HEPHL1: variants seen among roughly 807,000 people sequenced by gnomAD.
HEPHL1 encodes the protein hephaestin like 1.
A neutral mutation model predicts 122.0 loss-of-function variants in HEPHL1; 123 were observed. The observed-to-expected ratio is 1.01, with a 90% CI of 0.87 to 1.17. HEPHL1 has a LOEUF of 1.17. HEPHL1 is among the 50% of genes most tolerant of loss of function. HEPHL1 has a pLI of 0.00. For synonymous variants in HEPHL1, 527 were observed against 508.9 expected, an observed-to-expected ratio of 1.04 and a Z score of -0.48; for missense variants, 1,452 against 1,430.5, an observed-to-expected ratio of 1.01 and a Z score of -0.24.
chr11:94,056,033 A>T, intron 2 of HEPHL1: 1 of 568,608 alleles, frequency 1.8e-6, no homozygotes, highest in Non-Finnish European at 2.9e-6. Flanking sequence ...AAATTAAGTC[A>T]GTTTTTCCTT....
At chr11:94,108,223 A>C (rs543588835) in intron 17 of HEPHL1, among the ~76,000 whole-genome samples, 1 of 152,226 alleles carries the variant, frequency 6.6e-6, no homozygotes, top group Admixed American at 6.5e-5. Context: ...TGAAGTGTCC[A>C]AATTGTAAGC....
In HEPHL1 at chr11:94,021,510, A is replaced by G; in HGVS notation, c.142A>G (p.Ile48Val). 1.9e-6 allele frequency: 3 copies of G among 1,610,802 alleles called. No homozygotes were observed. The highest frequency in any genetic ancestry group is 2.7e-5 in the African/African-American group (2 of 74,914). The change falls in exon 1 of 20, where the codon ATT becomes GTT. Residue 48 changes from isoleucine (I) to valine (V), a missense_variant. By Grantham distance (29) the Ile-to-Val change is conservative. Transcript: ENST00000315765. ...WNYVPQGKNV[I>V]TGKSFTEDKL... is the part of the protein sequence containing the mutation. ...CTATGTACCCCAAGGGAAGAATGTT[A>G]TTACTGGGAAAAGTTTCACAGAAGA...
intron 12 of HEPHL1, among the ~76,000 whole-genome samples, chr11:94,089,811 G>A (rs750110881): frequency 3.9e-5 from 6 of 152,108 alleles, no homozygotes; most frequent in African/African-American, 7.2e-5. Flanking sequence ...ACTAGACATT[G>A]GCAGAGTTAG....
chr11:94,098,339 C>G (rs1421625886), intron 13 of HEPHL1, among the ~76,000 whole-genome samples: 1 of 152,146 alleles, frequency 6.6e-6, no homozygotes, highest in East Asian at 1.9e-4. Context: ...TGAATATTGG[C>G]CCCCACTCTC....
intron 1 of HEPHL1, among the ~76,000 whole-genome samples, chr11:94,037,183 C>A (rs969677436): frequency 6.7e-5 from 10 of 148,480 alleles, no homozygotes; most frequent in African/African-American, 2.5e-4. Context: ...CGGCGCACCA[C>A]GAGATTATAT....
intron 5 of HEPHL1, among the ~76,000 whole-genome samples, chr11:94,068,428 C>T (rs1331100010): frequency 1.3e-5 from 2 of 152,154 alleles, no homozygotes; most frequent in African/African-American, 4.8e-5. Flanking sequence ...CCTATAGCTT[C>T]CTTCATGTCC....
chr11:94,072,624 C>T (rs1489773684), intron 6 of HEPHL1, among the ~76,000 whole-genome samples: 1 of 151,924 alleles, frequency 6.6e-6, no homozygotes, highest in Non-Finnish European at 1.5e-5. Context: ...TGCCAGAAAT[C>T]AAAGAGCTTA....
chr11:94,111,882 G>A lies in HEPHL1; in HGVS notation c.3468G>A (p.Thr1156=), dbSNP rs760553539. ...AAGTCCAGTCCTGTGCTCTCCCCAC[G>A]GATGCTCTGTGAACCATCTGGTCTC... ...YQQVQSCALP[T]DAL The change falls in exon 20 of 20, where the codon ACG becomes ACA. Residue 1156 remains threonine, a synonymous_variant. Coordinates refer to ENST00000315765, the MANE Select transcript of HEPHL1 (RefSeq NM_001098672.2). 13 of 1,516,416 alleles carry A rather than the reference G, an allele frequency of 8.6e-6. No homozygotes were observed. The highest frequency in any genetic ancestry group is 3.6e-4 in the Middle Eastern group (2 of 5,614). 93.9% of individuals were successfully genotyped at this position (1,516,416 alleles called of 1,614,324 possible). A position where few individuals can be genotyped will look rare whatever the true frequency, so the allele number is the denominator to read the frequency against.
intron 12 of HEPHL1, 66 bp downstream of exon 12, chr11:94,089,034 G>C: frequency 1.4e-6 from 2 of 1,402,934 alleles, no homozygotes; most frequent in South Asian, 2.3e-5. Context: ...TCTTTAGTAA[G>C]TGTGGCTCCC....
rs1945714580 is a variant in HEPHL1 at position 94,035,719 on chromosome 11, G to C, written c.171-9954G>C. Among the ~76,000 whole-genome samples the C allele has an allele frequency of 3.9e-5, 6 of 152,084 alleles. No individual in the cohort carries two copies. The South Asian group carries it at 1.2e-3, about 32-fold the overall frequency. On this transcript the variant is annotated intron_variant, in intron 1 of 19. Transcript: ENST00000315765. The stretch of plus-strand genomic sequence containing the variant: ...CTTCCTGTTGGTCCCCCTCCAGAGT[G>C]GTCATGAAAGTCTCTTTTATTTTAT...
chr11:94,054,402 A>G (rs1259954123), intron 2 of HEPHL1, among the ~76,000 whole-genome samples: 1 of 152,188 alleles, frequency 6.6e-6, no homozygotes, highest in African/African-American at 2.4e-5. Context: ...GGGGGCAACA[A>G]TCAGGCCTAC....
intron 8 of HEPHL1, among the ~76,000 whole-genome samples, chr11:94,074,839 A>G (rs899113132): frequency 1.3e-5 from 2 of 152,180 alleles, no homozygotes; most frequent in African/African-American, 2.4e-5. Context: ...AGTGTAATAT[A>G]TTCTACATAG....
At chr11:94,083,421 A>T (rs1029260015) in intron 10 of HEPHL1, among the ~76,000 whole-genome samples, 9 of 152,224 alleles carry the variant, frequency 5.9e-5, no homozygotes, top group African/African-American at 1.9e-4. Flanking sequence ...TGAGTAACAC[A>T]GGATGTCATT....
At chr11:94,034,743 C>T (rs58116509) in intron 1 of HEPHL1, among the ~76,000 whole-genome samples, 2,628 of 152,222 alleles carry the variant, frequency 0.017, 73 homozygotes, top group African/African-American at 0.06. Context: ...CCACCCTGGG[C>T]CACTGGGAGT....
chr11:94,067,355 G>A, intron 4 of HEPHL1, 141 bp from the exon 5 acceptor site: 1 of 720,790 alleles, frequency 1.4e-6, no homozygotes, highest in Non-Finnish European at 2.4e-6. Flanking sequence ...ATTTCTAAGA[G>A]CCAGGTTTTT....
At position 94,035,926 on chromosome 11, in the gene HEPHL1, C is replaced by T. The variant is rs191167071; in HGVS notation, c.171-9747C>T. Among the ~76,000 whole-genome samples the T allele has an allele frequency of 2.5e-3, 374 of 152,202 alleles. 1 individual carries two copies. Among genetic ancestry groups the T allele is most frequent in the African/African-American group, 8.4e-3 (347 of 41,542 alleles). ...TAATTTTTTGTATTTTTAGTAGAGA[C>T]GGGGTTTCACCGTGTTAGCCAGGAT... On this transcript the variant is annotated intron_variant, in intron 1 of 19. Transcript: ENST00000315765.
chr11:94,021,998 AAG>A (rs1423921983), intron 1 of HEPHL1, among the ~76,000 whole-genome samples: 1 of 152,186 alleles, frequency 6.6e-6, no homozygotes, highest in African/African-American at 2.4e-5. Flanking sequence ...CAACGTTTAA[AAG>A]AGGGGGAAGT....
chr11:94,070,042 G>GT (rs1436612868), intron 5 of HEPHL1, among the ~76,000 whole-genome samples: 5 of 152,074 alleles, frequency 3.3e-5, no homozygotes, highest in South Asian at 4.1e-4. Context: ...TACTATTTGA[G>GT]TACTGTTAAG....
At chr11:94,104,861 C>G (rs995769771) in intron 16 of HEPHL1, 111 bp downstream of exon 16, 1 of 826,626 alleles carries the variant, frequency 1.2e-6, no homozygotes, top group Non-Finnish European at 1.9e-6. Context: ...TTCCCAGGGG[C>G]ACCTGGACTG....
Sources: gnomAD v4.1 joint callset for allele counts (sites outside exome capture counted in the v4.1 genomes callset) on GRCh38, gnomAD v4.1.1 for gene constraint, MANE v1.5 for transcripts, NCBI Gene and HGNC (gene_info 2026-07-23, HGNC 2026-07-21) for gene names.